PCTP: variants seen among roughly 807,000 people sequenced by gnomAD.
PCTP encodes the protein START domain-containing protein 2.
PCTP carries 27 observed loss-of-function variants against 31.0 expected under a neutral mutation model. That is an observed-to-expected ratio of 0.87 (90% CI 0.64 to 1.20). The LOEUF is 1.20. PCTP is among the 50% of genes most tolerant of loss of function. PCTP has a pLI of 0.00. For synonymous variants in PCTP, 108 were observed against 101.2 expected (o/e 1.07, Z -0.40); for missense variants, 287 against 268.2 (o/e 1.07, Z -0.49).
At chr17:55,789,594 A>G (rs1285700737) in intron 3 of PCTP, among the ~76,000 whole-genome samples, 2 of 152,182 alleles carry the variant, frequency 1.3e-5, no homozygotes, top group African/African-American at 4.8e-5. Context: ...TCAATGCTCT[A>G]TCCTCCTGTG....
intron 3 of PCTP, among the ~76,000 whole-genome samples, chr17:55,804,099 CAT>C (rs1457381888): frequency 6.6e-6 from 1 of 152,092 alleles, no homozygotes; most frequent in Non-Finnish European, 1.5e-5. Context: ...AGCCAACAAA[CAT>C]ATGAAAAAAA....
At chr17:55,757,480 GTA>G (rs936387650) in intron 1 of PCTP, among the ~76,000 whole-genome samples, 4 of 149,006 alleles carry the variant, frequency 2.7e-5, no homozygotes, top group Admixed American at 6.7e-5. Context: ...ACACACGTAT[GTA>G]TATATATATG....
chr17:55,767,601 AC>A, intron 2 of PCTP, 149 bp downstream of exon 2: 1 of 478,386 alleles, frequency 2.1e-6, no homozygotes, highest in Non-Finnish European at 3.7e-6. Flanking sequence ...AGTAGCTGGG[AC>A]TACAGGCGCC....
At chr17:55,758,822 G>A (rs1910187132) in intron 1 of PCTP, among the ~76,000 whole-genome samples, 1 of 152,206 alleles carries the variant, frequency 6.6e-6, no homozygotes, top group Non-Finnish European at 1.5e-5. Flanking sequence ...GGCCATGCGA[G>A]AATGCTGGTC....
intron 3 of PCTP, among the ~76,000 whole-genome samples, chr17:55,789,226 A>G (rs1911865638): frequency 6.6e-6 from 1 of 152,194 alleles, no homozygotes; most frequent in Non-Finnish European, 1.5e-5. Flanking sequence ...ATCAGAATTA[A>G]GTGGTGAGTA....
At chr17:55,845,890 GTGTGT>G (rs1906136221), downstream of PCTP, among the ~76,000 whole-genome samples, 4 of 115,070 alleles carry the variant, frequency 3.5e-5, no homozygotes, top group African/African-American at 7.4e-5. Context: ...GGGTTGGGGT[GTGTGT>G]GTGTGTGTGT....
chr17:55,803,925 G>A (rs1335861493), intron 3 of PCTP, among the ~76,000 whole-genome samples: 3 of 149,398 alleles, frequency 2.0e-5, no homozygotes, highest in Admixed American at 2.0e-4. Flanking sequence ...GAGTAAACAG[G>A]CAACCGACAG....
chr17:55,836,206 CA>C (rs1237420203), intron 5 of PCTP, among the ~76,000 whole-genome samples: 3 of 152,120 alleles, frequency 2.0e-5, no homozygotes, highest in South Asian at 2.1e-4. Flanking sequence ...AAAATTCAAT[CA>C]AATGACATAA....
At chr17:55,832,552 A>G (rs1337686465) in intron 5 of PCTP, among the ~76,000 whole-genome samples, 2 of 152,206 alleles carry the variant, frequency 1.3e-5, no homozygotes, top group African/African-American at 4.8e-5. Context: ...AAAGGCAAGA[A>G]TGCCTGAATA....
chr17:55,751,359 C>T (rs536986507), intron 1 of PCTP, 115 bp downstream of exon 1: 22 of 1,528,408 alleles, frequency 1.4e-5, no homozygotes, highest in Non-Finnish European at 1.8e-5. Context: ...TTCTCCGGCT[C>T]AGGAAGGAGC....
At chr17:55,770,503 G>A (rs1478517572) in intron 2 of PCTP, 1 of 152,144 alleles carries the variant, frequency 6.6e-6, no homozygotes, top group African/African-American at 2.4e-5. Context: ...TTTTTTTGAT[G>A]TCTGATTTTG....
chr17:55,775,886 C>T, intron 5 of PCTP, 149 bp from the exon 6 acceptor site: 1 of 1,399,466 alleles, frequency 7.1e-7, no homozygotes, highest in Non-Finnish European at 9.3e-7. Flanking sequence ...TTGTCATCAT[C>T]TGCAACAACA....
chr17:55,821,606 T>C (rs1913120132), intron 3 of PCTP, among the ~76,000 whole-genome samples: 1 of 152,222 alleles, frequency 6.6e-6, no homozygotes. Flanking sequence ...GGTACTGTGC[T>C]AAACTATGTA....
At chr17:55,817,760 C>T (rs1419788725) in intron 3 of PCTP, among the ~76,000 whole-genome samples, 2 of 152,202 alleles carry the variant, frequency 1.3e-5, no homozygotes, top group Non-Finnish European at 2.9e-5. Context: ...AAGAAAATGT[C>T]GCACCTTTTA....
chr17:55,798,745 A>G (rs971709725), intron 3 of PCTP, among the ~76,000 whole-genome samples: 6 of 151,962 alleles, frequency 3.9e-5, no homozygotes, highest in Non-Finnish European at 7.4e-5. Flanking sequence ...AGATATTTGT[A>G]TAGAAGAACA....
intron 3 of PCTP, among the ~76,000 whole-genome samples, chr17:55,789,245 T>C (rs1328455333): frequency 1.3e-5 from 2 of 152,326 alleles, no homozygotes; most frequent in East Asian, 3.9e-4. Flanking sequence ...TACCCATTTA[T>C]GCTTTTCTCT....
intron 1 of PCTP, among the ~76,000 whole-genome samples, chr17:55,761,708 G>A (rs1462576787): frequency 6.6e-6 from 1 of 151,168 alleles, no homozygotes; most frequent in Non-Finnish European, 1.5e-5. Context: ...GGTCTTGTAC[G>A]CATTTGTGCA....
chr17:55,780,690 T>C (rs1026029481), downstream of PCTP, among the ~76,000 whole-genome samples: 1 of 152,198 alleles, frequency 6.6e-6, no homozygotes, highest in Non-Finnish European at 1.5e-5. Context: ...TATCTTATGA[T>C]TGCAAAGTCA....
intron 3 of PCTP, among the ~76,000 whole-genome samples, chr17:55,803,017 G>C (rs1484610824): frequency 1.3e-5 from 2 of 152,110 alleles, no homozygotes; most frequent in South Asian, 2.1e-4. Flanking sequence ...AAAGTCTCAG[G>C]ATACAAAATC....
Sources: gnomAD v4.1 joint callset for allele counts (sites outside exome capture counted in the v4.1 genomes callset) on GRCh38, gnomAD v4.1.1 for gene constraint, MANE v1.5 for transcripts, NCBI Gene and HGNC (gene_info 2026-07-23, HGNC 2026-07-21) for gene names.